Variants in STAT4 observed in about 807,000 individuals in gnomAD.
The protein encoded by STAT4 is signal transducer and activator of transcription 4.
Under a neutral mutation model 110.5 loss-of-function variants are expected in STAT4, and 42 were observed. The ratio of observed to expected loss-of-function variants is 0.38; its 90% CI spans 0.30 to 0.49. STAT4 has a LOEUF of 0.49. Ranked by LOEUF, STAT4 falls within the 20% of genes least tolerant of loss-of-function variation. The pLI is 0.95. For missense variants in STAT4, 632 were observed against 887.9 expected, an observed-to-expected ratio of 0.71 and a Z score of 3.66; for synonymous variants, 284 against 302.2, an observed-to-expected ratio of 0.94 and a Z score of 0.63.
rs752377185 is a variant in STAT4, at chr2:191,130,788, G to A, written c.273+15825C>T. On this transcript the variant is annotated intron_variant, in intron 3 of 23. Transcript: ENST00000392320. The stretch of plus-strand genomic sequence containing the variant: ...TTAAAAGCCTGTTATAATTTATATC[G>A]CATTTCTATGTGTTTATAGTGGAAT... 1.1e-4 allele frequency among the ~76,000 whole-genome samples: 16 copies of A among 151,452 alleles called. 1 individual carries two copies. The highest frequency in any genetic ancestry group is 2.1e-4 in the South Asian group (1 of 4,816).
In STAT4 at chr2:191,066,667, G is replaced by A. The variant is rs561646660; in HGVS notation, c.545-152C>T. The A allele has an allele frequency of 6.6e-6, 4 of 605,146 alleles. No individual in the cohort carries two copies. Among genetic ancestry groups the A allele is most frequent in the Non-Finnish European group, 1.1e-5 (4 of 351,246 alleles). The allele number at this position is 605,146 out of a possible 1,614,324, so 37.5% of individuals were successfully genotyped here. On this transcript the variant is annotated intron_variant, in intron 6 of 23. Transcript: ENST00000392320. The surrounding 1 kb of genome is among the most constrained non-coding windows in gnomAD (Gnocchi z 4.3). ...TAGAGGTGAGCTTGGAAGTCTGTCT[G>A]CTCATTTTGCCAGGGAGAATCACAT...
Position 191,138,505 on chromosome 2 carries a change from A to G in STAT4, c.273+8108T>C, listed in dbSNP as rs1559084324. Among the ~76,000 whole-genome samples, 2 of 152,206 alleles carry G rather than the reference A, an allele frequency of 1.3e-5. No individual in the cohort carries two copies. The highest frequency in any genetic ancestry group is 2.4e-5 in the African/African-American group (1 of 41,456). On this transcript the variant is annotated intron_variant, in intron 3 of 23. Coordinates refer to ENST00000392320, the MANE Select transcript of STAT4 (RefSeq NM_003151.4). The surrounding 1 kb of genome is among the most constrained non-coding windows in gnomAD (Gnocchi z 4.3). ...TATGTGCACAAACTAGGAAATCTAGAGGAGATAGATAAATTCCTGGAAATA... is the reference window on the plus strand; with the variant it reads ...TATGTGCACAAACTAGGAAATCTAGGGGAGATAGATAAATTCCTGGAAATA...
rs1002889765 is a variant in STAT4, at chr2:191,110,467, C to T, written c.274-34142G>A. Reference sequence around the variant, plus strand: ...TAAGATAGCTATTATTCCTATTTTACGGGCAGGGCAACGGGCTGAGGGAAG... The same window carrying T: ...TAAGATAGCTATTATTCCTATTTTATGGGCAGGGCAACGGGCTGAGGGAAG... On this transcript the variant is annotated intron_variant, in intron 3 of 23. Transcript: ENST00000392320. This position sits in a 1 kb window ranked among gnomAD's most constrained non-coding sequence, Gnocchi z 4.5. Among the ~76,000 whole-genome samples the T allele has an allele frequency of 1.3e-5, 2 of 152,150 alleles. No individual in the cohort carries two copies. Among genetic ancestry groups the T allele is most frequent in the East Asian group, 1.9e-4 (1 of 5,194 alleles).
chr2:191,039,218 A>G lies in STAT4; in HGVS notation c.1415T>C (p.Val472Ala). Residue 472 changes from valine (V) to alanine (A), a missense_variant, in exon 16 of 24, where the codon GTG (valine) becomes GCG (alanine). Physicochemically the swap from Val to Ala is moderately conservative, Grantham distance 64. This residue lies in a region of STAT4 where 488 missense variants were observed against 632.8 expected (regional missense o/e 0.77). Coordinates refer to ENST00000392320, the MANE Select transcript of STAT4 (RefSeq NM_003151.4). This position sits in a 1 kb window ranked among gnomAD's most constrained non-coding sequence, Gnocchi z 4.7. Reference sequence around the variant, plus strand: ...GTCTACCTGGGAATCGTTGGTTGACACGTTGTACCAAATGATGGATGCCCA... The same window carrying G: ...GTCTACCTGGGAATCGTTGGTTGACGCGTTGTACCAAATGATGGATGCCCA... ...NAWASIIWYN[V>A]STNDSQNLVF... 6.2e-7 allele frequency: 1 copy of G among 1,614,228 alleles called. No individual in the cohort carries two copies. Among genetic ancestry groups the G allele is most frequent in the Non-Finnish European group, 8.5e-7 (1 of 1,180,020 alleles).
At chr2:191,038,420 A>T (rs775455362) in intron 16 of STAT4, among the ~76,000 whole-genome samples, 1 of 152,222 alleles carries the variant, frequency 6.6e-6, no homozygotes, top group Non-Finnish European at 1.5e-5. Context: ...TCTTGTTCTT[A>T]CTACTGGGAT....
rs1699454416 is a variant in STAT4, at chr2:191,146,177, T to C, written c.273+436A>G. ...ACCAGAGAGTACCAAAGAACACTTT[T>C]AAAGGAGTGTGAGATCTGAACCAAA... On this transcript the variant is annotated intron_variant, in intron 3 of 23. Coordinates refer to ENST00000392320, the MANE Select transcript of STAT4 (RefSeq NM_003151.4). The surrounding 1 kb of genome is among the most constrained non-coding windows in gnomAD (Gnocchi z 4.5). 6.6e-6 allele frequency among the ~76,000 whole-genome samples: 1 copy of C among 152,184 alleles called. No homozygotes were observed. The highest frequency in any genetic ancestry group is 2.4e-5 in the African/African-American group (1 of 41,452).
rs1478977289 is a variant in STAT4 at position 191,116,384 on chromosome 2, G to C, written c.273+30229C>G. Among the ~76,000 whole-genome samples the C allele has an allele frequency of 6.6e-6, 1 of 152,158 alleles. No individual in the cohort carries two copies. The highest frequency in any genetic ancestry group is 1.5e-5 in the Non-Finnish European group (1 of 68,038). On this transcript the variant is annotated intron_variant, in intron 3 of 23. Transcript: ENST00000392320. The surrounding 1 kb of genome is among the most constrained non-coding windows in gnomAD (Gnocchi z 4.1). ...TGCAAGCTAAAATTTAGATAAAGAA[G>C]AATCAGCCTAGTTATAATAAAATAG... is the stretch of plus-strand genomic sequence containing the variant.
rs769171766 is a variant in STAT4, at chr2:191,043,882, A to G, written c.1252-2734T>C. 1.4e-4 allele frequency among the ~76,000 whole-genome samples: 21 copies of G among 152,168 alleles called. No homozygotes were observed. The highest frequency in any genetic ancestry group is 6.5e-5 in the Admixed American group (1 of 15,276). ...AGGATGCCATTTATGTAAAATCTAAATTTATAATACAGAATAATATAAAGT... is the reference window on the plus strand; with the variant it reads ...AGGATGCCATTTATGTAAAATCTAAGTTTATAATACAGAATAATATAAAGT... On this transcript the variant is annotated intron_variant, in intron 14 of 23. Coordinates refer to ENST00000392320, the MANE Select transcript of STAT4 (RefSeq NM_003151.4). This position sits in a 1 kb window ranked among gnomAD's most constrained non-coding sequence, Gnocchi z 4.8.
chr2:191,031,809 C>T lies in STAT4; in HGVS notation c.2045-293G>A, dbSNP rs923985528. Among the ~76,000 whole-genome samples the T allele has an allele frequency of 2.0e-5, 3 of 152,136 alleles. No homozygotes were observed. Among genetic ancestry groups the T allele is most frequent in the Admixed American group, 6.5e-5 (1 of 15,276 alleles). ...AATCAACTCTATTACCTGTTTTCTA[C>T]GTTTCATTTATGTTTGATTATAAGG... On this transcript the variant is annotated intron_variant, in intron 21 of 23. Transcript: ENST00000392320. This position sits in a 1 kb window ranked among gnomAD's most constrained non-coding sequence, Gnocchi z 4.8.
chr2:191,114,639 C>T (rs1388951394), intron 3 of STAT4, among the ~76,000 whole-genome samples: 2 of 152,106 alleles, frequency 1.3e-5, no homozygotes, highest in African/African-American at 4.8e-5. Context: ...CATCATGACA[C>T]CTCCTATCAA....
At position 191,037,560 on chromosome 2, in the gene STAT4, G is replaced by T. The variant is rs1696078265; in HGVS notation, c.1435-1261C>A. ...TGTCCCAGATTACTGGAAAACAGATGTGTGAAACTCAAGAAACATGTTTCA... is the reference window on the plus strand; with the variant it reads ...TGTCCCAGATTACTGGAAAACAGATTTGTGAAACTCAAGAAACATGTTTCA... On this transcript the variant is annotated intron_variant, in intron 16 of 23. Coordinates refer to ENST00000392320, the MANE Select transcript of STAT4 (RefSeq NM_003151.4). This position sits in a 1 kb window ranked among gnomAD's most constrained non-coding sequence, Gnocchi z 4.8. 6.6e-6 allele frequency among the ~76,000 whole-genome samples: 1 copy of T among 152,208 alleles called. No homozygotes were observed. Among genetic ancestry groups the T allele is most frequent in the African/African-American group, 2.4e-5 (1 of 41,446 alleles).
chr2:191,136,161 T>G (rs554392193), intron 3 of STAT4, among the ~76,000 whole-genome samples: 1 of 152,176 alleles, frequency 6.6e-6, no homozygotes, highest in East Asian at 1.9e-4. Flanking sequence ...TCTCAATAGA[T>G]ATAGAAAAAG....
chr2:191,131,718 C>A (rs1177085263), intron 3 of STAT4: 2 of 1,215,790 alleles, frequency 1.6e-6, no homozygotes, highest in Non-Finnish European at 2.1e-6. Flanking sequence ...AGCCAGAATT[C>A]TCCGATGTTT....
Position 191,146,584 on chromosome 2 carries a change from T to C in STAT4, c.273+29A>G. On this transcript the variant is annotated intron_variant, in intron 3 of 23. Coordinates refer to ENST00000392320, the MANE Select transcript of STAT4 (RefSeq NM_003151.4). The surrounding 1 kb of genome is among the most constrained non-coding windows in gnomAD (Gnocchi z 4.5). ...TAAATTTAAGACTCATATATCCAAA[T>C]ATTTTGGAAAAGTAGAATGCATTCT... 1 of 1,444,698 alleles carries C rather than the reference T, an allele frequency of 6.9e-7. No individual in the cohort carries two copies. Among genetic ancestry groups the C allele is most frequent in the Non-Finnish European group, 9.2e-7 (1 of 1,092,052 alleles). 89.5% of individuals were successfully genotyped at this position (1,444,698 alleles called of 1,614,324 possible). A position where few individuals can be genotyped will look rare whatever the true frequency, so the allele number is the denominator to read the frequency against.
At position 191,124,453 on chromosome 2, in the gene STAT4, C is replaced by CAA. The variant is rs34438452; in HGVS notation, c.273+22158_273+22159dup. Among the ~76,000 whole-genome samples, 156 of 71,122 alleles carry CAA rather than the reference C, an allele frequency of 2.2e-3. 2 individuals carry two copies. The highest frequency in any genetic ancestry group is 5.5e-3 in the African/African-American group (90 of 16,306). 46.7% of individuals were successfully genotyped at this position (71,122 alleles called of 152,430 possible). On this transcript the variant is annotated intron_variant, in intron 3 of 23. Transcript: ENST00000392320. ...CTGGCGACAGAGTGAGACGCCGTCT[C>CAA]AAAAAAAAAAAAAAAAAAAAAAGAC...
intron 14 of STAT4, among the ~76,000 whole-genome samples, chr2:191,049,581 C>G (rs1574708138): frequency 6.6e-6 from 1 of 152,114 alleles, no homozygotes; most frequent in Admixed American, 6.6e-5. Flanking sequence ...TCTTAACAAT[C>G]CATAATTTAT....
Position 191,150,178 on chromosome 2 carries a change from A to G in STAT4, c.-2+769T>C, listed in dbSNP as rs929451665. 6.6e-6 allele frequency among the ~76,000 whole-genome samples: 1 copy of G among 152,222 alleles called. No homozygotes were observed. Among genetic ancestry groups the G allele is most frequent in the Non-Finnish European group, 1.5e-5 (1 of 68,036 alleles). On this transcript the variant is annotated intron_variant, in intron 1 of 23. Coordinates refer to ENST00000392320, the MANE Select transcript of STAT4 (RefSeq NM_003151.4). The surrounding 1 kb of genome is among the most constrained non-coding windows in gnomAD (Gnocchi z 6.4). The stretch of plus-strand genomic sequence containing the variant: ...AAAATAAAAATAAACACCGAAAAAA[A>G]TCACTACTAAGATCTGAGTCTTTCG...
In STAT4 at chr2:191,064,871, G is replaced by A. The variant is rs1280348818; in HGVS notation, c.718C>T (p.Arg240Trp). 5.6e-6 allele frequency: 9 copies of A among 1,613,052 alleles called. No homozygotes were observed. Among genetic ancestry groups the A allele is most frequent in the East Asian group, 4.5e-5 (2 of 44,768 alleles). The stretch of plus-strand genomic sequence containing the variant: ...CCGATGCAGGCGATTTGCTGCCGCC[G>A]CTTCCAGTCTTGCAGCTCTTCTATG... ...MLIEELQDWK[R>W]RQQIACIGGP... is the part of the protein sequence containing the mutation. Residue 240 changes from arginine to tryptophan, a missense_variant, in exon 8 of 24, where the codon CGG (arginine) becomes TGG (tryptophan). Arg to Trp is a moderately radical substitution (Grantham distance 101). Coordinates refer to ENST00000392320, the MANE Select transcript of STAT4 (RefSeq NM_003151.4).
rs1420874413 is a variant in STAT4 at position 191,030,300 on chromosome 2, A to G, written c.2221-434T>C. Among the ~76,000 whole-genome samples, 3 of 152,346 alleles carry G rather than the reference A, an allele frequency of 2.0e-5. No homozygotes were observed. The highest frequency in any genetic ancestry group is 1.9e-4 in the East Asian group (1 of 5,190). On this transcript the variant is annotated intron_variant, in intron 23 of 23. Coordinates refer to ENST00000392320, the MANE Select transcript of STAT4 (RefSeq NM_003151.4). The surrounding 1 kb of genome is among the most constrained non-coding windows in gnomAD (Gnocchi z 4.4). Reference sequence around the variant, plus strand: ...AGGCTTAGGGTCTCTCCAAGTTTCTATTATATTATTCTGATGTATGTTCAC... The same window carrying G: ...AGGCTTAGGGTCTCTCCAAGTTTCTGTTATATTATTCTGATGTATGTTCAC...
Sources: allele counts gnomAD v4.1 joint callset (sites outside exome capture counted in the v4.1 genomes callset), GRCh38; gene constraint gnomAD v4.1.1; regional missense constraint gnomAD v4.1.1; non-coding constraint Gnocchi (gnomAD v3.1); transcripts MANE v1.5; gene names NCBI Gene and HGNC (gene_info 2026-07-23, HGNC 2026-07-21).